Variants in ATXN10 observed in about 807,000 individuals in gnomAD.
ATXN10 encodes the protein ataxin 10, also known as ataxin-10.
ATXN10 carries 28 observed loss-of-function variants against 52.9 expected under a neutral mutation model. The observed-to-expected ratio is 0.53, with a 90% CI of 0.39 to 0.73. ATXN10 has a LOEUF of 0.73. Among genes scored for constraint, ATXN10 ranks in the 30% least tolerant of loss-of-function variants. The pLI, the probability that ATXN10 is intolerant of heterozygous loss-of-function variation, is 0.00. For synonymous variants in ATXN10, 226 were observed against 221.5 expected (o/e 1.02, Z -0.18); for missense variants, 565 against 577.0 (o/e 0.98, Z 0.21).
At chr22:45,738,909 C>A in intron 8 of ATXN10, 70 bp downstream of exon 8, 3 of 1,294,386 alleles carry the variant, frequency 2.3e-6, no homozygotes, top group Non-Finnish European at 2.2e-6. Context: ...AATATAAATC[C>A]AAATACAAAT....
intron 9 of ATXN10, among the ~76,000 whole-genome samples, chr22:45,749,037 A>G (rs1417879884): frequency 6.6e-6 from 1 of 152,220 alleles, no homozygotes; most frequent in Admixed American, 6.5e-5. Context: ...ATTTAAAAAG[A>G]AGAATGATAC....
intron 9 of ATXN10, among the ~76,000 whole-genome samples, chr22:45,751,754 AT>A (rs761055970): frequency 0.17 from 16,308 of 98,606 alleles, 2,354 homozygotes; most frequent in African/African-American, 0.41. Context: ...AAAAAAAAAA[AT>A]AAAAAAAAAA....
At chr22:45,751,763 A>AAAAATAATAATAATAAT in intron 9 of ATXN10, among the ~76,000 whole-genome samples, 11 of 66,606 alleles carry the variant, frequency 1.7e-4, no homozygotes, top group East Asian at 9.2e-4. Flanking sequence ...AATAAAAAAA[A>AAAAATAATAATAATAAT]AATAATAATA....
intron 9 of ATXN10, among the ~76,000 whole-genome samples, chr22:45,752,888 C>T (rs1453698409): frequency 2.6e-5 from 4 of 152,204 alleles, no homozygotes; most frequent in South Asian, 4.2e-4. Context: ...CATGCGCCAC[C>T]ATGCCCAGCT....
rs1451545806 is a variant in ATXN10 at position 45,843,770 on chromosome 22, A to G, written c.*99A>G. 1 of 1,225,318 alleles carries G rather than the reference A, an allele frequency of 8.2e-7. No homozygotes were observed. The highest frequency in any genetic ancestry group is 1.5e-5 in the African/African-American group (1 of 67,112). The allele number at this position is 1,225,318 out of a possible 1,614,324, so 75.9% of individuals were successfully genotyped here. A position where few individuals can be genotyped will look rare whatever the true frequency, so the allele number is the denominator to read the frequency against. On this transcript the variant is annotated 3_prime_UTR_variant, in exon 12 of 12. Coordinates refer to ENST00000252934, the MANE Select transcript of ATXN10 (RefSeq NM_013236.4). The surrounding 1 kb of genome is among the most constrained non-coding windows in gnomAD (Gnocchi z 4.5). ...TGCAAGTGTTTGAAGATTTATAAGTACAAATTTGGGAACATACAAATCTTT... is the reference window on the plus strand; with the variant it reads ...TGCAAGTGTTTGAAGATTTATAAGTGCAAATTTGGGAACATACAAATCTTT...
At chr22:45,682,322 T>C (rs1922957348) in intron 1 of ATXN10, among the ~76,000 whole-genome samples, 1 of 151,904 alleles carries the variant, frequency 6.6e-6, no homozygotes, top group Non-Finnish European at 1.5e-5. Context: ...TGGACTTCTT[T>C]GTTTTTTTTT....
rs555868598 is a variant in ATXN10, at chr22:45,757,465, C to T, written c.1173+16927C>T. On this transcript the variant is annotated intron_variant, in intron 9 of 11. Coordinates refer to ENST00000252934, the MANE Select transcript of ATXN10 (RefSeq NM_013236.4). This position sits in a 1 kb window ranked among gnomAD's most constrained non-coding sequence, Gnocchi z 4.6. The stretch of plus-strand genomic sequence containing the variant: ...TGGGATTCAGGATTTCGCTGCTCCC[C>T]GTTCAAGGCCTCTGGAGAATGTTCC... 7.2e-5 allele frequency among the ~76,000 whole-genome samples: 11 copies of T among 152,196 alleles called. No individual in the cohort carries two copies. In the East Asian group the frequency reaches 1.9e-3, roughly 27 times the overall value.
chr22:45,751,746 A>AT (rs1418887254), intron 9 of ATXN10, among the ~76,000 whole-genome samples: 7 of 69,016 alleles, frequency 1.0e-4, no homozygotes, highest in African/African-American at 7.6e-5. Context: ...TCTGGAAAAA[A>AT]AAAAAAAATA....
In ATXN10 at chr22:45,825,244, A is replaced by G. The variant is rs1928778342; in HGVS notation, c.1238-17747A>G. Among the ~76,000 whole-genome samples, 1 of 152,194 alleles carries G rather than the reference A, an allele frequency of 6.6e-6. No homozygotes were observed. Among genetic ancestry groups the G allele is most frequent in the Non-Finnish European group, 1.5e-5 (1 of 68,034 alleles). On this transcript the variant is annotated intron_variant, in intron 10 of 11. Transcript: ENST00000252934. This position sits in a 1 kb window ranked among gnomAD's most constrained non-coding sequence, Gnocchi z 4.5. Reference sequence around the variant, plus strand: ...GACCATTATTGTTGCATCTGCCCCCATTGTTGTAAGTCCTTCCACCTCTGG... The same window carrying G: ...GACCATTATTGTTGCATCTGCCCCCGTTGTTGTAAGTCCTTCCACCTCTGG...
At chr22:45,714,278 T>C (rs1379842998) in intron 5 of ATXN10, among the ~76,000 whole-genome samples, 1 of 152,180 alleles carries the variant, frequency 6.6e-6, no homozygotes, top group Non-Finnish European at 1.5e-5. Flanking sequence ...GGGGTATTGA[T>C]CTTTATCAGT....
At chr22:45,740,273 AT>A in intron 8 of ATXN10, 95 bp from the exon 9 acceptor site, 1 of 1,193,436 alleles carries the variant, frequency 8.4e-7, no homozygotes, top group Non-Finnish European at 1.2e-6. Context: ...CCTTTAGCCT[AT>A]TACAATAAAT....
rs1928555581 is a variant in ATXN10, at chr22:45,818,914, C to T, written c.1237+11892C>T. 6.6e-6 allele frequency among the ~76,000 whole-genome samples: 1 copy of T among 152,158 alleles called. No homozygotes were observed. The highest frequency in any genetic ancestry group is 2.4e-5 in the African/African-American group (1 of 41,444). ...GCAGGCTGATGGCAGCATCCTGGGG[C>T]CTGACCTTGGTGCACTGTGTCTCTG... On this transcript the variant is annotated intron_variant, in intron 10 of 11. Transcript: ENST00000252934. The surrounding 1 kb of genome is among the most constrained non-coding windows in gnomAD (Gnocchi z 4.6).
At chr22:45,711,266 T>C (rs1924238075) in intron 5 of ATXN10, among the ~76,000 whole-genome samples, 1 of 151,238 alleles carries the variant, frequency 6.6e-6, no homozygotes, top group African/African-American at 2.4e-5. Context: ...AAAAAGCCAA[T>C]GAATCCCCAA....
intron 3 of ATXN10, among the ~76,000 whole-genome samples, chr22:45,693,606 A>T (rs963052593): frequency 6.6e-6 from 1 of 152,140 alleles, no homozygotes; most frequent in Non-Finnish European, 1.5e-5. Context: ...CAAGTTGGGG[A>T]TTAGATTTCA....
At chr22:45,748,091 G>C (rs2069252816) in intron 9 of ATXN10, among the ~76,000 whole-genome samples, 1 of 151,886 alleles carries the variant, frequency 6.6e-6, no homozygotes, top group Non-Finnish European at 1.5e-5. Context: ...AGGTGGGACG[G>C]TTGATTGAGC....
At chr22:45,700,437 A>G (rs931574255) in intron 4 of ATXN10, 59 bp downstream of exon 4, 2 of 1,407,492 alleles carry the variant, frequency 1.4e-6, no homozygotes, top group South Asian at 1.2e-5. Context: ...ATATTTTTCC[A>G]TTTTATATAA....
chr22:45,739,428 A>G (rs912780259), intron 8 of ATXN10, among the ~76,000 whole-genome samples: 2 of 152,230 alleles, frequency 1.3e-5, no homozygotes, highest in Admixed American at 6.5e-5. Context: ...TCCTTTAAAA[A>G]GATGATACTT....
At position 45,770,941 on chromosome 22, in the gene ATXN10, C is replaced by A. The variant is rs149337306; in HGVS notation, c.1173+30403C>A. On this transcript the variant is annotated intron_variant, in intron 9 of 11. Transcript: ENST00000252934. The surrounding 1 kb of genome is among the most constrained non-coding windows in gnomAD (Gnocchi z 4.5). ...CACAGAGCCTTCTCAGAGAGAAGAA[C>A]CCAGATCCATCCTGGGAGCACTCGA... is the stretch of plus-strand genomic sequence containing the variant. Among the ~76,000 whole-genome samples the A allele has an allele frequency of 4.9e-4, 75 of 152,322 alleles. No homozygotes were observed. The East Asian group carries it at 0.014, about 29-fold the overall frequency.
In ATXN10 at chr22:45,701,023, A is replaced by G. The variant is rs1282896953; in HGVS notation, c.488+645A>G. On this transcript the variant is annotated intron_variant, in intron 4 of 11. Transcript: ENST00000252934. The surrounding 1 kb of genome is among the most constrained non-coding windows in gnomAD (Gnocchi z 4.2). ...ATAAGAAATTGAGCATTGAGGTAAA[A>G]GGTGAGCAGGGAATAGAGTCAGTAT... Among the ~76,000 whole-genome samples, 1 of 152,180 alleles carries G rather than the reference A, an allele frequency of 6.6e-6. No individual in the cohort carries two copies. The highest frequency in any genetic ancestry group is 1.5e-5 in the Non-Finnish European group (1 of 68,032).
Sources: gnomAD v4.1 joint callset for allele counts (sites outside exome capture counted in the v4.1 genomes callset) on GRCh38, gnomAD v4.1.1 for gene constraint, Gnocchi (gnomAD v3.1) non-coding constraint, MANE v1.5 for transcripts, NCBI Gene and HGNC (gene_info 2026-07-23, HGNC 2026-07-21) for gene names.